RABGAP1L: variants seen among roughly 807,000 people sequenced by gnomAD.
The protein encoded by RABGAP1L is rab GTPase-activating protein 1-like.
A neutral mutation model predicts 137.7 loss-of-function variants in RABGAP1L; 63 were observed. That is an observed-to-expected ratio of 0.46 (90% CI 0.37 to 0.56). The LOEUF is 0.56. Among genes scored for constraint, RABGAP1L ranks in the 20% least tolerant of loss-of-function variants. The pLI is 0.00. For synonymous variants in RABGAP1L, 431 were observed against 433.7 expected (o/e 0.99, Z 0.08); for missense variants, 1,095 against 1,244.0 (o/e 0.88, Z 1.80).
intron 17 of RABGAP1L, among the ~76,000 whole-genome samples, chr1:174,746,885 C>T (rs1683912967): frequency 6.6e-6 from 1 of 152,136 alleles, no homozygotes; most frequent in South Asian, 2.1e-4. Context: ...ATACAAAATA[C>T]TCAGTAGATG....
intron 13 of RABGAP1L, among the ~76,000 whole-genome samples, chr1:174,514,012 G>A (rs570491246): frequency 6.6e-6 from 1 of 152,182 alleles, no homozygotes; most frequent in Non-Finnish European, 1.5e-5. Context: ...TGATAGCACT[G>A]AATGCTGCTG....
chr1:174,747,505 ACT>A (rs1683977810), intron 17 of RABGAP1L, among the ~76,000 whole-genome samples: 1 of 150,962 alleles, frequency 6.6e-6, no homozygotes, highest in Admixed American at 6.6e-5. Context: ...TCGTCTAGCC[ACT>A]CTGTTCTACT....
intron 13 of RABGAP1L, among the ~76,000 whole-genome samples, chr1:174,568,690 A>G (rs1276653866): frequency 1.3e-5 from 2 of 151,768 alleles, no homozygotes; most frequent in Non-Finnish European, 2.9e-5. Flanking sequence ...AGAAAGACTG[A>G]GTGTGTGTGT....
At chr1:174,622,896 C>T (rs1052656882) in intron 13 of RABGAP1L, among the ~76,000 whole-genome samples, 1 of 152,084 alleles carries the variant, frequency 6.6e-6, no homozygotes, top group Non-Finnish European at 1.5e-5. Context: ...AGTTATTATT[C>T]AATTTTTTTG....
intron 13 of RABGAP1L, chr1:174,547,905 G>GGTCT: frequency 6.5e-7 from 1 of 1,549,638 alleles, no homozygotes; most frequent in South Asian, 1.2e-5. Flanking sequence ...GGTCTATGAA[G>GGTCT]GTCTCCATGA....
At chr1:174,190,316 A>AG (rs528846882) in intron 1 of RABGAP1L, among the ~76,000 whole-genome samples, 48 of 150,880 alleles carry the variant, frequency 3.2e-4, no homozygotes, top group East Asian at 1.2e-3. Context: ...AAAAAAAAAA[A>AG]AAAGAAAGAA....
At chr1:174,306,297 G>C (rs1678240607) in intron 11 of RABGAP1L, among the ~76,000 whole-genome samples, 1 of 152,164 alleles carries the variant, frequency 6.6e-6, no homozygotes. Flanking sequence ...GGATGGCTGG[G>C]TCAAATGGTA....
At chr1:174,616,696 G>A (rs578155639) in intron 13 of RABGAP1L, among the ~76,000 whole-genome samples, 10 of 152,230 alleles carry the variant, frequency 6.6e-5, no homozygotes, top group Non-Finnish European at 1.3e-4. Context: ...CTCCATTGCG[G>A]TTGAGAATAA....
At chr1:174,938,279 AG>A (rs1665247984) in intron 19 of RABGAP1L, among the ~76,000 whole-genome samples, 1 of 152,246 alleles carries the variant, frequency 6.6e-6, no homozygotes, top group Non-Finnish European at 1.5e-5. Context: ...CACATTCACC[AG>A]GCTTAGTGTT....
chr1:174,449,266 A>T, intron 13 of RABGAP1L: 1 of 1,327,302 alleles, frequency 7.5e-7, no homozygotes, highest in South Asian at 1.5e-5. Flanking sequence ...TTCATCTGGA[A>T]ATTTGCCATC....
At chr1:174,388,305 CAGAA>C (rs1000207505) in intron 12 of RABGAP1L, among the ~76,000 whole-genome samples, 2 of 151,632 alleles carry the variant, frequency 1.3e-5, no homozygotes, top group African/African-American at 4.8e-5. Context: ...AATACACTAT[CAGAA>C]AGATGTAAAG....
At position 174,460,536 on chromosome 1, in the gene RABGAP1L, C is replaced by A. The variant is rs149910532; in HGVS notation, c.1710+66391C>A. Among the ~76,000 whole-genome samples, 926 of 152,024 alleles carry A rather than the reference C, an allele frequency of 6.1e-3. 26 individuals are homozygous for A. Among genetic ancestry groups the A allele is most frequent in the Admixed American group, 0.041 (620 of 15,254 alleles). ...GAACATTTTTATAAATAAGGCTTTT[C>A]CACATTTAGTATTATTTTCTTACAA... On this transcript the variant is annotated intron_variant, in intron 13 of 25. Coordinates refer to ENST00000681986, the MANE Select transcript of RABGAP1L (RefSeq NM_001366446.1).
At chr1:174,796,715 G>A (rs1434357941) in intron 18 of RABGAP1L, among the ~76,000 whole-genome samples, 2 of 152,124 alleles carry the variant, frequency 1.3e-5, no homozygotes, top group Non-Finnish European at 2.9e-5. Context: ...TGCTCATTAA[G>A]ATAACATATT....
At chr1:174,209,551 G>A (rs1461996401) in intron 1 of RABGAP1L, among the ~76,000 whole-genome samples, 1 of 152,200 alleles carries the variant, frequency 6.6e-6, no homozygotes, top group Non-Finnish European at 1.5e-5. Flanking sequence ...ATTGTGTCTT[G>A]TGGTTTGAGT....
At chr1:174,873,885 T>G (rs1652622173) in intron 19 of RABGAP1L, among the ~76,000 whole-genome samples, 1 of 152,222 alleles carries the variant, frequency 6.6e-6, no homozygotes. Context: ...ACTACTTTGC[T>G]GCATTGGAGA....
At chr1:174,416,923 CTAA>C (rs1381999733) in intron 13 of RABGAP1L, among the ~76,000 whole-genome samples, 2 of 152,056 alleles carry the variant, frequency 1.3e-5, no homozygotes, top group South Asian at 2.1e-4. Context: ...TGATTATAAA[CTAA>C]TGAGAATTTT....
chr1:174,621,687 T>C (rs1371144019), intron 13 of RABGAP1L, among the ~76,000 whole-genome samples: 1 of 152,152 alleles, frequency 6.6e-6, no homozygotes, highest in Admixed American at 6.5e-5. Flanking sequence ...CCTTACACCT[T>C]ATACAAAAAT....
chr1:174,298,486 C>T (rs944290672), intron 10 of RABGAP1L, among the ~76,000 whole-genome samples: 10 of 152,198 alleles, frequency 6.6e-5, no homozygotes, highest in Non-Finnish European at 1.2e-4. Context: ...CACTCACCTG[C>T]GCTGTGCCTT....
intron 14 of RABGAP1L, among the ~76,000 whole-genome samples, chr1:174,683,272 T>C (rs1678219873): frequency 6.6e-6 from 1 of 152,016 alleles, no homozygotes; most frequent in African/African-American, 2.4e-5. Context: ...ACTTAGGTCC[T>C]CTGAGCATCT....
Sources: gnomAD v4.1 joint callset for allele counts (sites outside exome capture counted in the v4.1 genomes callset) on GRCh38, gnomAD v4.1.1 for gene constraint, MANE v1.5 for transcripts, NCBI Gene and HGNC (gene_info 2026-07-23, HGNC 2026-07-21) for gene names.